Variants in SACS observed in about 807,000 individuals in gnomAD.
The protein encoded by SACS is sacsin.
In SACS, 197 loss-of-function variants were observed where a neutral mutation model predicts 348.0. The ratio of observed to expected loss-of-function variants is 0.57; its 90% CI spans 0.50 to 0.64. The LOEUF (loss-of-function observed/expected upper bound fraction) is 0.64, where lower values mean the gene tolerates loss of function less well. Among genes scored for constraint, SACS ranks in the 30% least tolerant of loss-of-function variants. The pLI is 0.00. For synonymous variants in SACS, 1,985 were observed against 1,910.6 expected, an observed-to-expected ratio of 1.04 and a Z score of -1.02; for missense variants, 4,999 against 5,360.8, an observed-to-expected ratio of 0.93 and a Z score of 2.11.
chr13:23,335,983 A>G lies in SACS; in HGVS notation c.7893T>C (p.His2631=). The G allele has an allele frequency of 1.2e-6, 2 of 1,612,980 alleles. No homozygotes were observed. The highest frequency in any genetic ancestry group is 1.7e-4 in the Middle Eastern group (1 of 6,060). The change falls in exon 10 of 10, where the codon CAT becomes CAC. Residue 2631 remains histidine (H), a synonymous_variant. Coordinates refer to ENST00000382292, the MANE Select transcript of SACS (RefSeq NM_014363.6). The surrounding 1 kb of genome is among the most constrained non-coding windows in gnomAD (Gnocchi z 4.7). ...QYGIGFNSVY[H]ITDCPSFISG... ...AAATAAAAGATGGGCAGTCTGTGATATGATACACAGAATTGAATCCTATTC... is the reference window on the plus strand; with the variant it reads ...AAATAAAAGATGGGCAGTCTGTGATGTGATACACAGAATTGAATCCTATTC...
chr13:23,419,907 A>T (rs1313263710), intron 1 of SACS, among the ~76,000 whole-genome samples: 1 of 152,172 alleles, frequency 6.6e-6, no homozygotes, highest in African/African-American at 2.4e-5. Flanking sequence ...GGGACGCAGT[A>T]TCCACCTGGA....
rs1883592019 is a variant in SACS, at chr13:23,333,039, T to C, written c.10837A>G (p.Thr3613Ala). ...AATGTTTCTTTGGACCAGTTTTCTG[T>C]ATTAGCCCTCACACTGATTTCCTTA... ...FAKEISVRAN[T>A]ENWSKETLQN... The change falls in exon 10 of 10, where the codon ACA becomes GCA. Residue 3613 changes from threonine to alanine, a missense_variant. Thr to Ala is a moderately conservative substitution (Grantham distance 58, BLOSUM62 0). Transcript: ENST00000382292. 6.2e-7 allele frequency: 1 copy of C among 1,613,910 alleles called. No individual in the cohort carries two copies. The highest frequency in any genetic ancestry group is 8.5e-7 in the Non-Finnish European group (1 of 1,179,944).
chr13:23,415,088 G>A (rs1873646173), intron 1 of SACS, among the ~76,000 whole-genome samples: 1 of 152,008 alleles, frequency 6.6e-6, no homozygotes, highest in Non-Finnish European at 1.5e-5. Context: ...CTGGAGTGCA[G>A]TGGCACTATC....
intron 5 of SACS, among the ~76,000 whole-genome samples, chr13:23,367,769 C>CT (rs1302091166): frequency 6.6e-6 from 1 of 151,876 alleles, no homozygotes; most frequent in Non-Finnish European, 1.5e-5. Flanking sequence ...AATTTTTGTA[C>CT]TTTTAATAGA....
At chr13:23,384,202 CT>C (rs1231339947) in intron 2 of SACS, among the ~76,000 whole-genome samples, 1 of 152,214 alleles carries the variant, frequency 6.6e-6, no homozygotes, top group Non-Finnish European at 1.5e-5. Context: ...GAGCAGAAGG[CT>C]TTCTCTAGCC....
Position 23,339,314 on chromosome 13 carries a change from G to C in SACS, c.4562C>G (p.Ala1521Gly). ...TTGAGAATTGTTGAATGACCACAAA[G>C]CAGGTCCATGACAAGCTGCCATCCC... is the stretch of plus-strand genomic sequence containing the variant. Reference protein sequence around the residue: ...DPGMAACHGPALWSFNNSQFS... With the variant: ...DPGMAACHGPGLWSFNNSQFS... Residue 1521 changes from alanine (A) to glycine (G), a missense_variant, in exon 10 of 10, where the codon GCT becomes GGT. By Grantham distance (60) the Ala-to-Gly change is moderately conservative. Around this residue, in one of 6 missense-constraint regions of SACS, gnomAD observed 3,156 missense variants for 3,380.1 expected, o/e 0.93. Transcript: ENST00000382292. 1 of 1,612,056 alleles carries C rather than the reference G, an allele frequency of 6.2e-7. No homozygotes were observed. The highest frequency in any genetic ancestry group is 8.5e-7 in the Non-Finnish European group (1 of 1,179,198).
At chr13:23,350,600 C>T (rs565477950) in intron 9 of SACS, among the ~76,000 whole-genome samples, 1 of 152,188 alleles carries the variant, frequency 6.6e-6, no homozygotes, top group Admixed American at 6.5e-5. Flanking sequence ...TGCAGTAGTA[C>T]TTCCAAGACT....
intron 2 of SACS, among the ~76,000 whole-genome samples, chr13:23,378,569 C>A (rs9317669): frequency 0.47 from 71,616 of 151,848 alleles, 18,826 homozygotes; most frequent in Admixed American, 0.62. Flanking sequence ...GCCTCCCGAG[C>A]AGCTGGGATT....
intron 2 of SACS, among the ~76,000 whole-genome samples, chr13:23,404,353 C>T (rs977584324): frequency 6.6e-6 from 1 of 152,114 alleles, no homozygotes; most frequent in Non-Finnish European, 1.5e-5. Flanking sequence ...GCAGAAAAGG[C>T]CTTTGATAAA....
chr13:23,375,520 G>T, intron 2 of SACS: 2 of 1,104,668 alleles, frequency 1.8e-6, no homozygotes, highest in Middle Eastern at 3.9e-4. Context: ...AACGCTAGAG[G>T]AAGCCGCGGC....
In SACS at chr13:23,340,457, G is replaced by A; in HGVS notation, c.3419C>T (p.Thr1140Ile). Residue 1140 changes from threonine to isoleucine, a missense_variant, in exon 10 of 10, where the codon ACA (threonine) becomes ATA (isoleucine). Thr to Ile is a moderately conservative substitution (Grantham distance 89). This residue lies in a region of SACS where 3,156 missense variants were observed against 3,380.1 expected (regional missense o/e 0.93). Transcript: ENST00000382292. ...TLLLVLNKNH[T>I]LLQSSEGKMT... Reference sequence around the variant, plus strand: ...CTTTCCTTCAGATGATTGCAACAGTGTGTGATTCTTATTTAAAACCAGTAA... The same window carrying A: ...CTTTCCTTCAGATGATTGCAACAGTATGTGATTCTTATTTAAAACCAGTAA... 1 of 1,613,780 alleles carries A rather than the reference G, an allele frequency of 6.2e-7. No individual in the cohort carries two copies. Among genetic ancestry groups the A allele is most frequent in the Non-Finnish European group, 8.5e-7 (1 of 1,179,922 alleles).
chr13:23,415,035 T>C (rs1392950241), intron 1 of SACS, among the ~76,000 whole-genome samples: 1 of 151,974 alleles, frequency 6.6e-6, no homozygotes. Context: ...TTTTCTTTTC[T>C]TTTTTTTATT....
At position 23,337,489 on chromosome 13, in the gene SACS, C is replaced by G. The variant is rs141341126; in HGVS notation, c.6387G>C (p.Gly2129=). 1.1e-5 allele frequency: 17 copies of G among 1,613,694 alleles called. No individual in the cohort carries two copies. In the African/African-American group the frequency reaches 1.2e-4, roughly 11 times the overall value. The change falls in exon 10 of 10, where the codon GGG becomes GGC. Residue 2129 remains glycine (G), a synonymous_variant. Transcript: ENST00000382292. The part of the protein sequence containing the change: ...RVAKLFDIKD[G]RFPYGSTQDY... ...CCTGAGTAGAACCATAAGGGAATCT[C>G]CCATCTTTAATATCAAATAACTTTG... is the stretch of plus-strand genomic sequence containing the variant.
chr13:23,372,003 A>AT (rs939376449), intron 3 of SACS, among the ~76,000 whole-genome samples: 18 of 151,990 alleles, frequency 1.2e-4, no homozygotes, highest in Admixed American at 5.9e-4. Context: ...TTTGAAAAAA[A>AT]TTTTTTTTTA....
In SACS at chr13:23,339,127, T is replaced by C. The variant is rs760512075; in HGVS notation, c.4749A>G (p.Pro1583=). The change falls in exon 10 of 10, where the codon CCA becomes CCG. Residue 1583 remains proline (P), a synonymous_variant. Coordinates refer to ENST00000382292, the MANE Select transcript of SACS (RefSeq NM_014363.6). ...MSREFMIMFD[P]NINHISKHIK... The stretch of plus-strand genomic sequence containing the variant: ...TGTGTTTACTGATATGATTTATGTT[T>C]GGATCGAACATTATCATGAATTCCC... 2.9e-5 allele frequency: 47 copies of C among 1,610,936 alleles called. No individual in the cohort carries two copies. Among genetic ancestry groups the C allele is most frequent in the Non-Finnish European group, 3.8e-5 (45 of 1,178,074 alleles).
At chr13:23,361,861 G>C (rs933713200) in intron 6 of SACS, among the ~76,000 whole-genome samples, 15 of 152,084 alleles carry the variant, frequency 9.9e-5, no homozygotes, top group South Asian at 2.1e-4. Flanking sequence ...GCTGGGAGCA[G>C]GCCTGCAGTC....
At chr13:23,407,155 T>C (rs1305736179) in intron 2 of SACS, among the ~76,000 whole-genome samples, 1 of 152,224 alleles carries the variant, frequency 6.6e-6, no homozygotes, top group East Asian at 1.9e-4. Flanking sequence ...ACTCAGAAAC[T>C]GAGTTTACAG....
chr13:23,337,316 ATAC>A lies in SACS; in HGVS notation c.6557_6559del (p.Ser2186del). ...TTTCTCATCGATAAGACTCAATAAG[ATAC>A]TACTTCTTAGGCATGCAGCAACATG... is the stretch of plus-strand genomic sequence containing the variant. On this transcript the variant is annotated inframe_deletion, in exon 10 of 10. Coordinates refer to ENST00000382292, the MANE Select transcript of SACS (RefSeq NM_014363.6). 1 of 1,613,968 alleles carries A rather than the reference ATAC, an allele frequency of 6.2e-7. No individual in the cohort carries two copies. The highest frequency in any genetic ancestry group is 1.1e-5 in the South Asian group (1 of 91,078).
Position 23,354,512 on chromosome 13 carries a change from C to A in SACS, c.2093+7G>T. The A allele has an allele frequency of 1.2e-6, 2 of 1,613,064 alleles. No homozygotes were observed. Among genetic ancestry groups the A allele is most frequent in the Non-Finnish European group, 1.7e-6 (2 of 1,179,146 alleles). On this transcript the variant is annotated splice_region_variant and intron_variant, in intron 8 of 9. Transcript: ENST00000382292. Reference sequence around the variant, plus strand: ...GTGAACAGGAATGTTAGAAGGGGGACCCCTACCTTGGATATTCTGCTGAGG... The same window carrying A: ...GTGAACAGGAATGTTAGAAGGGGGAACCCTACCTTGGATATTCTGCTGAGG...
Sources: gnomAD v4.1 joint callset for allele counts (sites outside exome capture counted in the v4.1 genomes callset) on GRCh38, gnomAD v4.1.1 for gene constraint, gnomAD v4.1.1 regional missense constraint, Gnocchi (gnomAD v3.1) non-coding constraint, MANE v1.5 for transcripts, NCBI Gene and HGNC (gene_info 2026-07-23, HGNC 2026-07-21) for gene names.